The following OTOG variants were observed in gnomAD, a reference collection of about 807,000 sequenced individuals.
OTOG encodes otogelin.
OTOG carries 296 observed loss-of-function variants against 313.8 expected under a neutral mutation model. The ratio of observed to expected loss-of-function variants is 0.94; its 90% CI spans 0.86 to 1.04. The LOEUF is 1.04. Among genes scored for constraint, OTOG ranks in the 50% least tolerant of loss-of-function variants. OTOG has a pLI of 0.00. For synonymous variants in OTOG, 1,533 were observed against 1,554.9 expected, an observed-to-expected ratio of 0.99 and a Z score of 0.33; for missense variants, 3,948 against 3,840.1, an observed-to-expected ratio of 1.03 and a Z score of -0.74.
intron 47 of OTOG, among the ~76,000 whole-genome samples, 163 bp from the exon 48 acceptor site, chr11:17,638,288 G>A (rs1046352096): frequency 2.0e-5 from 3 of 152,158 alleles, no homozygotes; most frequent in African/African-American, 7.2e-5. Flanking sequence ...TAGCTCCCTG[G>A]GGAGACTTCG....
intron 32 of OTOG, among the ~76,000 whole-genome samples, chr11:17,603,659 C>G (rs1057252549): frequency 6.6e-6 from 1 of 152,144 alleles, no homozygotes; most frequent in Admixed American, 6.5e-5. Context: ...CCTGGGCAGC[C>G]AAGGAAAGGT....
intron 53 of OTOG, among the ~76,000 whole-genome samples, chr11:17,643,216 A>G (rs914164586): frequency 6.6e-6 from 1 of 152,204 alleles, no homozygotes; most frequent in African/African-American, 2.4e-5. Context: ...TGCCCCAGGA[A>G]AGATGGGAGG....
chr11:17,645,571 G>A lies in OTOG; in HGVS notation c.8469G>A (p.Glu2823=), dbSNP rs565530639. 40 of 1,550,614 alleles carry A rather than the reference G, an allele frequency of 2.6e-5. No homozygotes were observed. The Middle Eastern group carries it at 1.2e-3, about 45-fold the overall frequency. Residue 2823 remains glutamate (E), a synonymous_variant, in exon 55 of 56, where the codon GAG becomes GAA. Transcript: ENST00000399397. ...ATCCCCCTGTCCCCCCAGGTAAGGA[G>A]GATGGGCGCTCCTGCAAGAAGGTGA... ...SLEGCCRTCK[E]DGRSCKKVTI...
At chr11:17,570,667 G>A in intron 17 of OTOG, 1 of 307,506 alleles carries the variant, frequency 3.3e-6, no homozygotes, top group African/African-American at 2.1e-5. Context: ...TCCTATTTTT[G>A]ATAAGCACCT....
At chr11:17,579,360 T>G (rs1331672966) in intron 23 of OTOG, among the ~76,000 whole-genome samples, 1 of 152,100 alleles carries the variant, frequency 6.6e-6, no homozygotes, top group African/African-American at 2.4e-5. Context: ...TGTTATTACC[T>G]CCTTCAGTCT....
chr11:17,567,908 TTTTCTTTTC>T (rs1334128047), intron 15 of OTOG, among the ~76,000 whole-genome samples: 2 of 144,706 alleles, frequency 1.4e-5, no homozygotes, highest in African/African-American at 2.5e-5. Context: ...TTTTCTTTTC[TTTTCTTTTC>T]TTTTTTTTGA....
intron 36 of OTOG, 142 bp from the exon 37 acceptor site, chr11:17,612,020 G>A (rs1012742064): frequency 3.0e-6 from 3 of 1,003,896 alleles, no homozygotes; most frequent in Admixed American, 4.3e-5. Flanking sequence ...CTTGTGGTGG[G>A]TAGGGGGTGA....
In OTOG at chr11:17,588,341, A is replaced by T. The variant is rs1852853493; in HGVS notation, c.2867+1760A>T. On this transcript the variant is annotated intron_variant, in intron 24 of 55. Coordinates refer to ENST00000399397, the MANE Select transcript of OTOG (RefSeq NM_001292063.2). The stretch of plus-strand genomic sequence containing the variant: ...GCTGGAGATGTGTTGCGCTGGTGTG[A>T]CTCGAGCATTTGCTGGGATCTCTTT... 2.6e-5 allele frequency among the ~76,000 whole-genome samples: 4 copies of T among 152,084 alleles called. No homozygotes were observed. In the South Asian group the frequency reaches 6.3e-4, roughly 24 times the overall value.
intron 2 of OTOG, 70 bp downstream of exon 2, chr11:17,548,057 G>A: frequency 3.0e-6 from 4 of 1,336,332 alleles, no homozygotes; most frequent in South Asian, 3.3e-5. Context: ...AGCGACCCCA[G>A]GGCTTTAGCA....
intron 39 of OTOG, among the ~76,000 whole-genome samples, chr11:17,627,055 C>T (rs1338558113): frequency 3.3e-5 from 5 of 152,130 alleles, no homozygotes; most frequent in African/African-American, 7.2e-5. Context: ...AAGATTATAT[C>T]GTCTGCAAAC....
rs753121117 is a variant in OTOG, at chr11:17,610,608, C to G, written c.5308C>G (p.Pro1770Ala). The G allele has an allele frequency of 1.3e-6, 2 of 1,550,658 alleles. No homozygotes were observed. Among genetic ancestry groups the G allele is most frequent in the South Asian group, 2.4e-5 (2 of 84,052 alleles). Residue 1770 changes from proline (P) to alanine (A), a missense_variant, in exon 36 of 56, where the codon CCA becomes GCA. Pro to Ala is a conservative substitution (Grantham distance 27, BLOSUM62 -1). Coordinates refer to ENST00000399397, the MANE Select transcript of OTOG (RefSeq NM_001292063.2). The stretch of plus-strand genomic sequence containing the variant: ...GTCTCCAGCTCTGCCCCCAGAGACC[C>G]CAGCTGCCGCCAGCCTGTCAACAGC... ...TRSPALPPETPAAASLSTATD... is the reference protein window; with the variant it reads ...TRSPALPPETAAAASLSTATD...
intron 46 of OTOG, 59 bp downstream of exon 46, chr11:17,635,246 C>G (rs112019231): frequency 1.5e-6 from 2 of 1,375,060 alleles, no homozygotes; most frequent in African/African-American, 2.9e-5. Flanking sequence ...GCCGGCCTCA[C>G]CCCTGTGTCC....
chr11:17,557,585 C>T (rs1389515262), intron 8 of OTOG, among the ~76,000 whole-genome samples: 2 of 152,132 alleles, frequency 1.3e-5, no homozygotes, highest in Non-Finnish European at 2.9e-5. Flanking sequence ...CTAATAGACA[C>T]TTTGCAGGTG....
chr11:17,582,840 T>A (rs1242825855), intron 23 of OTOG, among the ~76,000 whole-genome samples: 1 of 152,192 alleles, frequency 6.6e-6, no homozygotes, highest in Non-Finnish European at 1.5e-5. Flanking sequence ...AAATTTTTTA[T>A]GTATTTTAGA....
intron 15 of OTOG, among the ~76,000 whole-genome samples, chr11:17,566,203 G>C (rs553641958): frequency 6.6e-6 from 1 of 152,134 alleles, no homozygotes; most frequent in Non-Finnish European, 1.5e-5. Flanking sequence ...TATAGTATTT[G>C]CATATAACCT....
rs569603083 is a variant in OTOG, at chr11:17,631,816, C to T, written c.6827C>T (p.Thr2276Ile). 218 of 1,550,640 alleles carry T rather than the reference C, an allele frequency of 1.4e-4. No individual in the cohort carries two copies. The African/African-American group carries it at 2.4e-3, about 17-fold the overall frequency. Residue 2276 changes from threonine to isoleucine, a missense_variant, in exon 41 of 56, where the codon ACC (threonine) becomes ATC (isoleucine). Physicochemically the swap from Thr to Ile is moderately conservative, Grantham distance 89. Coordinates refer to ENST00000399397, the MANE Select transcript of OTOG (RefSeq NM_001292063.2). ...LDSWQVPSSL[T>I]SVGQTRFRPD... Reference sequence around the variant, plus strand: ...AGCTGGCAGGTGCCCAGCTCCCTGACCTCAGTGGGCCAGACCCGCTTCCGC... The same window carrying T: ...AGCTGGCAGGTGCCCAGCTCCCTGATCTCAGTGGGCCAGACCCGCTTCCGC...
At chr11:17,632,680 GT>G (rs999086933) in intron 42 of OTOG, among the ~76,000 whole-genome samples, 3 of 151,970 alleles carry the variant, frequency 2.0e-5, no homozygotes, top group African/African-American at 2.4e-5. Flanking sequence ...TTCTTCCAGA[GT>G]TTCCCTTCCT....
chr11:17,634,370 A>G, intron 44 of OTOG, 89 bp downstream of exon 44: 1 of 1,377,778 alleles, frequency 7.3e-7, no homozygotes, highest in Non-Finnish European at 9.9e-7. Flanking sequence ...GGATAGGACA[A>G]GGCCTAGGAA....
Position 17,607,857 on chromosome 11 carries a change from G to A in OTOG, c.4157-439G>A, listed in dbSNP as rs571344671. ...CTCCATGGAGGTCTGCAATAGCCCTGCTAGAGACAAGGCAAGGAGGAGGTT... is the reference window on the plus strand; with the variant it reads ...CTCCATGGAGGTCTGCAATAGCCCTACTAGAGACAAGGCAAGGAGGAGGTT... On this transcript the variant is annotated intron_variant, in intron 33 of 55. Coordinates refer to ENST00000399397, the MANE Select transcript of OTOG (RefSeq NM_001292063.2). Among the ~76,000 whole-genome samples the A allele has an allele frequency of 3.3e-5, 5 of 152,276 alleles. 1 individual carries two copies. Among genetic ancestry groups the A allele is most frequent in the African/African-American group, 1.2e-4 (5 of 41,552 alleles).
Sources: allele counts gnomAD v4.1 joint callset (sites outside exome capture counted in the v4.1 genomes callset), GRCh38; gene constraint gnomAD v4.1.1; transcripts MANE v1.5; gene names NCBI Gene and HGNC (gene_info 2026-07-23, HGNC 2026-07-21).